Variants in SEMA3C observed in about 807,000 individuals in gnomAD.
SEMA3C encodes semaphorin 3C, also known as semaphorin-3C.
Under a neutral mutation model 89.4 loss-of-function variants are expected in SEMA3C, and 47 were observed. The ratio of observed to expected loss-of-function variants is 0.53; its 90% CI spans 0.42 to 0.67. The LOEUF (loss-of-function observed/expected upper bound fraction) is 0.67. Among genes scored for constraint, SEMA3C ranks in the 30% least tolerant of loss-of-function variants. The probability of loss-of-function intolerance (pLI) is 0.00; values close to 1 mark genes in which losing one functional copy is unlikely to be tolerated. For synonymous variants in SEMA3C, 310 were observed against 320.2 expected, an observed-to-expected ratio of 0.97 and a Z score of 0.34; for missense variants, 839 against 929.1, an observed-to-expected ratio of 0.90 and a Z score of 1.26.
intron 2 of SEMA3C, among the ~76,000 whole-genome samples, chr7:80,901,677 A>T (rs986250215): frequency 2.6e-5 from 4 of 152,224 alleles, no homozygotes; most frequent in African/African-American, 9.6e-5. Flanking sequence ...TTAAAAATAC[A>T]CAATGTCCTA....
intron 2 of SEMA3C, among the ~76,000 whole-genome samples, chr7:80,857,006 C>T (rs979745185): frequency 1.3e-5 from 2 of 152,102 alleles, no homozygotes; most frequent in Admixed American, 1.3e-4. Flanking sequence ...CTTCTTCCTC[C>T]CTCTTATTTC....
At chr7:80,888,362 C>T (rs1280490455) in intron 2 of SEMA3C, among the ~76,000 whole-genome samples, 1 of 152,058 alleles carries the variant, frequency 6.6e-6, no homozygotes, top group Non-Finnish European at 1.5e-5. Flanking sequence ...ACTTGGGAGG[C>T]TGAGGCAGGA....
intron 2 of SEMA3C, among the ~76,000 whole-genome samples, chr7:80,880,694 G>A (rs1791313740): frequency 2.0e-5 from 3 of 152,174 alleles, no homozygotes; most frequent in African/African-American, 7.2e-5. Flanking sequence ...GGAGCCCAAG[G>A]CAGGCAGACC....
chr7:80,802,692 C>T lies in SEMA3C; in HGVS notation c.889G>A (p.Gly297Ser), dbSNP rs766485092. 39 of 1,612,902 alleles carry T rather than the reference C, an allele frequency of 2.4e-5. No individual in the cohort carries two copies. Among genetic ancestry groups the T allele is most frequent in the Non-Finnish European group, 2.9e-5 (34 of 1,179,094 alleles). ...AATTCATCAAAGTGTGTTTCTGGGCCGTCTTCATCTGTTACCGAGCACACC... is the reference window on the plus strand; with the variant it reads ...AATTCATCAAAGTGTGTTTCTGGGCTGTCTTCATCTGTTACCGAGCACACC... ...RLVCSVTDEDGPETHFDELED... is the reference protein window; with the variant it reads ...RLVCSVTDEDSPETHFDELED... The change falls in exon 9 of 18, where the codon GGC (glycine) becomes AGC (serine). Residue 297 changes from glycine (G) to serine (S), a missense_variant. By Grantham distance (56) the Gly-to-Ser change is moderately conservative. Coordinates refer to ENST00000265361, the MANE Select transcript of SEMA3C (RefSeq NM_006379.5).
At chr7:80,814,799 A>T (rs1789559526) in intron 5 of SEMA3C, among the ~76,000 whole-genome samples, 1 of 152,160 alleles carries the variant, frequency 6.6e-6, no homozygotes, top group South Asian at 2.1e-4. Context: ...AAATCCATCA[A>T]CATCATCTAT....
At chr7:80,904,102 A>G (rs1273213946) in intron 2 of SEMA3C, among the ~76,000 whole-genome samples, 2 of 152,150 alleles carry the variant, frequency 1.3e-5, no homozygotes, top group African/African-American at 4.8e-5. Flanking sequence ...GTGCAGTAGC[A>G]AGATCTCGGC....
At chr7:80,816,674 A>G (rs1294491573) in intron 5 of SEMA3C, among the ~76,000 whole-genome samples, 1 of 152,234 alleles carries the variant, frequency 6.6e-6, no homozygotes, top group African/African-American at 2.4e-5. Context: ...AAGCTTAAAA[A>G]TCATAACCCT....
chr7:80,810,187 C>T (rs917136452), intron 6 of SEMA3C, among the ~76,000 whole-genome samples: 1 of 151,882 alleles, frequency 6.6e-6, no homozygotes, highest in African/African-American at 2.4e-5. Context: ...CAAAACACCA[C>T]ATTGTATCCT....
At chr7:80,818,934 A>C (rs2115763910) in intron 4 of SEMA3C, among the ~76,000 whole-genome samples, 1 of 152,312 alleles carries the variant, frequency 6.6e-6, no homozygotes, top group Middle Eastern at 3.4e-3. Context: ...ACAGTCAGTC[A>C]ACAAACATTT....
chr7:80,838,039 G>A (rs1320491549), intron 2 of SEMA3C, among the ~76,000 whole-genome samples: 7 of 151,850 alleles, frequency 4.6e-5, no homozygotes, highest in African/African-American at 1.7e-4. Context: ...TTTAATCATG[G>A]TGAATTAAAA....
intron 2 of SEMA3C, among the ~76,000 whole-genome samples, chr7:80,833,920 G>C (rs1790068205): frequency 6.6e-6 from 1 of 152,170 alleles, no homozygotes; most frequent in Admixed American, 6.6e-5. Context: ...TATAGAAAGT[G>C]ACTGATGTAA....
intron 12 of SEMA3C, among the ~76,000 whole-genome samples, chr7:80,779,183 A>C (rs1788633674): frequency 6.6e-6 from 1 of 152,226 alleles, no homozygotes; most frequent in South Asian, 2.1e-4. Context: ...CTAAGCAAGC[A>C]TTTAATGTCT....
chr7:80,912,733 G>C (rs1287129188), intron 2 of SEMA3C, among the ~76,000 whole-genome samples: 1 of 152,204 alleles, frequency 6.6e-6, no homozygotes, highest in African/African-American at 2.4e-5. Flanking sequence ...ACAAACCTGA[G>C]AAGATTCAAT....
At chr7:80,905,855 A>AT in intron 2 of SEMA3C, 4 of 1,289,722 alleles carry the variant, frequency 3.1e-6, no homozygotes, top group Non-Finnish European at 4.0e-6. Flanking sequence ...TGAGGACCAA[A>AT]TTCACGCCAC....
chr7:80,922,371 G>A (rs999917978), upstream of SEMA3C: 8 of 1,081,324 alleles, frequency 7.4e-6, no homozygotes, highest in South Asian at 7.9e-5. Flanking sequence ...TCTTTGGAAA[G>A]TCTCAACTTC....
intron 16 of SEMA3C, among the ~76,000 whole-genome samples, chr7:80,749,624 G>C (rs370168319): frequency 6.6e-6 from 1 of 152,304 alleles, no homozygotes; most frequent in East Asian, 1.9e-4. Context: ...CCTCAGACAA[G>C]TTACTTGATG....
chr7:80,829,282 C>G (rs1789955129), intron 2 of SEMA3C, among the ~76,000 whole-genome samples: 1 of 152,078 alleles, frequency 6.6e-6, no homozygotes, highest in African/African-American at 2.4e-5. Flanking sequence ...CAAAATCAGT[C>G]ACGTTTGCAA....
chr7:80,917,103 A>C (rs1050668244), intron 1 of SEMA3C, among the ~76,000 whole-genome samples: 3 of 152,250 alleles, frequency 2.0e-5, no homozygotes, highest in African/African-American at 7.2e-5. Flanking sequence ...TGATACCCAA[A>C]GGAAAGCCCA....
At chr7:80,877,922 T>A (rs1791238254) in intron 2 of SEMA3C, among the ~76,000 whole-genome samples, 1 of 152,220 alleles carries the variant, frequency 6.6e-6, no homozygotes. Context: ...GAATTCCCAC[T>A]CAAGGTGAGC....
Sources: gnomAD v4.1 joint callset for allele counts (sites outside exome capture counted in the v4.1 genomes callset) on GRCh38, gnomAD v4.1.1 for gene constraint, MANE v1.5 for transcripts, NCBI Gene and HGNC (gene_info 2026-07-23, HGNC 2026-07-21) for gene names.